Variants in LIMA1 observed in about 807,000 individuals in gnomAD.
LIMA1 encodes the protein LIM domain and actin binding 1.
Under a neutral mutation model 62.6 loss-of-function variants are expected in LIMA1, and 52 were observed. The observed-to-expected ratio is 0.83, with a 90% CI of 0.67 to 1.05. LIMA1 has a LOEUF of 1.05. Among genes scored for constraint, LIMA1 ranks in the 50% least tolerant of loss-of-function variants. The pLI is 0.00. For synonymous variants in LIMA1, 302 were observed against 317.8 expected (o/e 0.95, Z 0.53); for missense variants, 780 against 902.2 (o/e 0.86, Z 1.74).
chr12:50,210,892 A>G (rs968722320), intron 4 of LIMA1, among the ~76,000 whole-genome samples: 1 of 152,224 alleles, frequency 6.6e-6, no homozygotes, highest in African/African-American at 2.4e-5. Context: ...TGTCTCTGAA[A>G]AATCCCTCAT....
At chr12:50,188,367 T>C (rs905722923) in intron 9 of LIMA1, 2 of 152,212 alleles carry the variant, frequency 1.3e-5, no homozygotes, top group African/African-American at 4.8e-5. Flanking sequence ...CTAAAGTATC[T>C]GTATATTTGC....
At position 50,199,330 on chromosome 12, in the gene LIMA1, C is replaced by CCAAA. The variant is rs943282450; in HGVS notation, c.972+1443_972+1446dup. On this transcript the variant is annotated intron_variant, in intron 7 of 10. Coordinates refer to ENST00000341247, the MANE Select transcript of LIMA1 (RefSeq NM_016357.5). ...TGGGTGACAGAGCGAGACTCCATCT[C>CCAAA]CAAACAAACAAACAATCCCTGTAAT... 5.3e-5 allele frequency among the ~76,000 whole-genome samples: 8 copies of CCAAA among 152,258 alleles called. No homozygotes were observed. The South Asian group carries it at 1.7e-3, about 32-fold the overall frequency.
At position 50,177,434 on chromosome 12, in the gene LIMA1, T is replaced by A; in HGVS notation, c.1910A>T (p.Glu637Val). 1 of 1,614,194 alleles carries A rather than the reference T, an allele frequency of 6.2e-7. No homozygotes were observed. Among genetic ancestry groups the A allele is most frequent in the South Asian group, 1.1e-5 (1 of 91,078 alleles). Reference sequence around the variant, plus strand: ...ATTCTTCTTAGAAGCCTTGGCATTTTCCACTTGTTTCCTTTCTGCAACTCT... The same window carrying A: ...ATTCTTCTTAGAAGCCTTGGCATTTACCACTTGTTTCCTTTCTGCAACTCT... The part of the protein sequence containing the change: ...GGRVAERKQV[E>V]NAKASKKNGN... Residue 637 changes from glutamate to valine, a missense_variant, in exon 11 of 11, where the codon GAA becomes GTA. Transcript: ENST00000341247.
intron 4 of LIMA1, among the ~76,000 whole-genome samples, chr12:50,207,847 T>C (rs1404833578): frequency 6.9e-6 from 1 of 143,970 alleles, no homozygotes; most frequent in East Asian, 2.1e-4. Flanking sequence ...CAGAGATCGC[T>C]CCACTGCACT....
intron 9 of LIMA1, 130 bp downstream of exon 9, chr12:50,192,322 G>A (rs907801753): frequency 1.4e-6 from 1 of 710,032 alleles, no homozygotes; most frequent in Non-Finnish European, 2.5e-6. Context: ...GCTTCAGTGT[G>A]CTCTTCTGTG....
chr12:50,218,595 A>C (rs1186179626), intron 4 of LIMA1, among the ~76,000 whole-genome samples: 1 of 152,154 alleles, frequency 6.6e-6, no homozygotes, highest in Non-Finnish European at 1.5e-5. Flanking sequence ...GTGCTCTGTC[A>C]TTGACATTCT....
At chr12:50,249,901 T>C (rs1305749415) in intron 1 of LIMA1, 1 of 152,208 alleles carries the variant, frequency 6.6e-6, no homozygotes. Flanking sequence ...TCTGGTTGAA[T>C]GTATGGTTCA....
intron 2 of LIMA1, among the ~76,000 whole-genome samples, chr12:50,246,147 G>A (rs560053225): frequency 2.7e-5 from 4 of 150,650 alleles, no homozygotes; most frequent in Non-Finnish European, 5.9e-5. Flanking sequence ...CAGGAGAATC[G>A]CTTGAACCCA....
intron 2 of LIMA1, among the ~76,000 whole-genome samples, chr12:50,241,421 GGTTA>G (rs1053213347): frequency 2.0e-5 from 3 of 151,984 alleles, no homozygotes; most frequent in African/African-American, 7.3e-5. Context: ...TTTACATTGT[GGTTA>G]GTTGAGTAAA....
intron 1 of LIMA1, among the ~76,000 whole-genome samples, chr12:50,255,548 T>A (rs1364636940): frequency 2.1e-4 from 18 of 83,798 alleles, no homozygotes; most frequent in African/African-American, 5.8e-4. Flanking sequence ...CCAGACCCTG[T>A]CAAAAAAAAA....
In LIMA1 at chr12:50,196,108, C is replaced by T. The variant is rs75214463; in HGVS notation, c.973-221G>A. 5.8e-3 allele frequency: 2,719 copies of T among 465,956 alleles called. 60 individuals carry two copies. Among genetic ancestry groups the T allele is most frequent in the African/African-American group, 0.049 (2,443 of 49,430 alleles). The allele number at this position is 465,956 out of a possible 1,614,324, so 28.9% of individuals were successfully genotyped here. A position where few individuals can be genotyped will look rare whatever the true frequency, so the allele number is the denominator to read the frequency against. On this transcript the variant is annotated intron_variant, in intron 7 of 10. Coordinates refer to ENST00000341247, the MANE Select transcript of LIMA1 (RefSeq NM_016357.5). ...CATGCCTCTCAATTACAGAGTAACC[C>T]GAGAAACAGACTGCACTCAACTGCC...
chr12:50,232,017 C>T (rs1158833739), intron 2 of LIMA1, among the ~76,000 whole-genome samples: 1 of 148,570 alleles, frequency 6.7e-6, no homozygotes, highest in Non-Finnish European at 1.5e-5. Flanking sequence ...ATCCACCTGC[C>T]TCGGCCTCCC....
At chr12:50,262,786 T>G (rs1340983023) in intron 1 of LIMA1, among the ~76,000 whole-genome samples, 1 of 152,020 alleles carries the variant, frequency 6.6e-6, no homozygotes, top group African/African-American at 2.4e-5. Context: ...ACCATTGCAC[T>G]CCAGCCTGGG....
rs10632810 is a variant in LIMA1 at position 50,214,024 on chromosome 12, C to CCACACACACACACA, written c.631-7970_631-7957dup. On this transcript the variant is annotated intron_variant, in intron 4 of 10. Transcript: ENST00000341247. ...TTACCCTGGATCAATTATTATCTTA[C>CCACACACACACACA]CACACACACACACACACACACACAC... Among the ~76,000 whole-genome samples, 480 of 104,584 alleles carry CCACACACACACACA rather than the reference C, an allele frequency of 4.6e-3. 5 individuals carry two copies. The highest frequency in any genetic ancestry group is 0.014 in the African/African-American group (428 of 31,572). 68.6% of individuals were successfully genotyped at this position (104,584 alleles called of 152,430 possible).
At chr12:50,240,070 T>C (rs12229920) in intron 2 of LIMA1, among the ~76,000 whole-genome samples, 1 of 102,146 alleles carries the variant, frequency 9.8e-6, no homozygotes, top group Non-Finnish European at 2.1e-5. Context: ...AAATAAAAAA[T>C]TTTTAAAAGG....
chr12:50,234,654 T>C (rs1433890026), intron 2 of LIMA1, among the ~76,000 whole-genome samples: 2 of 152,116 alleles, frequency 1.3e-5, no homozygotes, highest in Non-Finnish European at 2.9e-5. Flanking sequence ...GGCACTGTCC[T>C]CTGCCTAAAG....
intron 1 of LIMA1, among the ~76,000 whole-genome samples, chr12:50,251,308 G>A (rs1434071784): frequency 6.6e-6 from 1 of 152,038 alleles, no homozygotes; most frequent in Non-Finnish European, 1.5e-5. Flanking sequence ...CTGGATCAAA[G>A]GGGAAAAAAT....
chr12:50,248,500 C>CA (rs1941882319), intron 2 of LIMA1, 133 bp downstream of exon 2: 2 of 681,372 alleles, frequency 2.9e-6, no homozygotes. Flanking sequence ...CACAGTACCT[C>CA]ATATAGTGTT....
intron 2 of LIMA1, among the ~76,000 whole-genome samples, chr12:50,240,732 G>C (rs1435081742): frequency 1.3e-5 from 2 of 152,186 alleles, no homozygotes; most frequent in African/African-American, 4.8e-5. Context: ...CCGGAGCTCA[G>C]AAGAAAGCTC....
Sources: allele counts gnomAD v4.1 joint callset (sites outside exome capture counted in the v4.1 genomes callset), GRCh38; gene constraint gnomAD v4.1.1; transcripts MANE v1.5; gene names NCBI Gene and HGNC (gene_info 2026-07-23, HGNC 2026-07-21).